NKIRAS1: variants seen among roughly 807,000 people sequenced by gnomAD.
NKIRAS1 encodes NF-kappa-B inhibitor-interacting Ras-like protein 1.
NKIRAS1 carries 16 observed loss-of-function variants against 19.8 expected under a neutral mutation model. That is an observed-to-expected ratio of 0.81 (90% confidence interval 0.55 to 1.23). The LOEUF (loss-of-function observed/expected upper bound fraction) is 1.23. Among genes scored for constraint, NKIRAS1 ranks in the 50% most tolerant of loss-of-function variants. The probability of loss-of-function intolerance (pLI) is 0.00; values close to 1 mark genes in which losing one functional copy is unlikely to be tolerated. For missense variants in NKIRAS1, 184 were observed against 220.0 expected (o/e 0.84, Z 1.04); for synonymous variants, 88 against 79.0 (o/e 1.11, Z -0.61).
intron 1 of NKIRAS1, chr3:23,946,052 G>T: frequency 1.0e-6 from 1 of 969,800 alleles, no homozygotes; most frequent in East Asian, 1.2e-4. Context: ...CGCGCTGGCT[G>T]GGAGCGCCGC....
rs1705246027 is a variant in NKIRAS1, at chr3:23,928,333, A to AATGT, written c.-139-16887_-139-16884dup. Among the ~76,000 whole-genome samples, 3 of 147,516 alleles carry AATGT rather than the reference A, an allele frequency of 2.0e-5. 1 individual carries two copies. The Admixed American group carries it at 2.0e-4, about 10-fold the overall frequency. ...AAATAAATAAATAAATAAATAAATAAATGTTATCATTTGAATACCATTAGT... is the reference window on the plus strand; with the variant it reads ...AAATAAATAAATAAATAAATAAATAAATGTATGTTATCATTTGAATACCATTAGT... On this transcript the variant is annotated intron_variant, in intron 1 of 4. Transcript: ENST00000421515.
At chr3:23,941,811 C>T (rs1316173284) in intron 1 of NKIRAS1, among the ~76,000 whole-genome samples, 2 of 152,274 alleles carry the variant, frequency 1.3e-5, no homozygotes, top group South Asian at 2.1e-4. Flanking sequence ...CTCTAAAAAA[C>T]GCTGAGGCTC....
At chr3:23,904,371 G>A (rs540610891) in intron 3 of NKIRAS1, among the ~76,000 whole-genome samples, 1 of 152,302 alleles carries the variant, frequency 6.6e-6, no homozygotes, top group South Asian at 2.1e-4. Context: ...GCAAGATGGA[G>A]CCTTGTTGCT....
intron 3 of NKIRAS1, among the ~76,000 whole-genome samples, chr3:23,902,178 GT>G (rs1287319057): frequency 2.0e-5 from 3 of 152,004 alleles, no homozygotes; most frequent in South Asian, 2.1e-4. Context: ...CTATGTTATA[GT>G]TTTTTTTAAA....
At chr3:23,905,883 G>A (rs1198846464) in intron 3 of NKIRAS1, among the ~76,000 whole-genome samples, 1 of 152,082 alleles carries the variant, frequency 6.6e-6, no homozygotes, top group Non-Finnish European at 1.5e-5. Context: ...GAGAGGCCGG[G>A]TGCAGTGGCT....
At chr3:23,940,292 T>A (rs13314607) in intron 1 of NKIRAS1, among the ~76,000 whole-genome samples, 1 of 151,680 alleles carries the variant, frequency 6.6e-6, no homozygotes, top group South Asian at 2.1e-4. Flanking sequence ...CTGTAATAAG[T>A]TATATGATTG....
chr3:23,917,716 C>T (rs921087241), upstream of NKIRAS1: 6 of 868,650 alleles, frequency 6.9e-6, no homozygotes, highest in South Asian at 7.2e-5. Flanking sequence ...GGCTAGCTGT[C>T]CCCGGCAGTT....
chr3:23,912,894 G>A (rs564821468), intron 1 of NKIRAS1, among the ~76,000 whole-genome samples: 93 of 151,970 alleles, frequency 6.1e-4, no homozygotes, highest in Non-Finnish European at 8.2e-4. Flanking sequence ...CAAGGTGGGC[G>A]GATCACGAGG....
At chr3:23,933,083 C>G (rs1050252162) in intron 1 of NKIRAS1, among the ~76,000 whole-genome samples, 5 of 152,120 alleles carry the variant, frequency 3.3e-5, no homozygotes, top group African/African-American at 1.2e-4. Flanking sequence ...ACATGAGAGC[C>G]AGAGATCGAT....
At chr3:23,937,330 C>G (rs1164753753) in intron 1 of NKIRAS1, among the ~76,000 whole-genome samples, 1 of 151,116 alleles carries the variant, frequency 6.6e-6, no homozygotes, top group Admixed American at 6.6e-5. Flanking sequence ...TAGACTCTGT[C>G]TGGAAAAAGA....
At chr3:23,903,514 A>G (rs1702720882) in intron 3 of NKIRAS1, among the ~76,000 whole-genome samples, 1 of 151,912 alleles carries the variant, frequency 6.6e-6, no homozygotes, top group Non-Finnish European at 1.5e-5. Context: ...GAAACCAACT[A>G]TACAAAGAAA....
intron 1 of NKIRAS1, among the ~76,000 whole-genome samples, chr3:23,939,538 T>G (rs1490732636): frequency 1.3e-5 from 2 of 152,110 alleles, no homozygotes; most frequent in Non-Finnish European, 2.9e-5. Flanking sequence ...GGCCAGGAGT[T>G]CGAGAACAGC....
chr3:23,914,474 G>T (rs541876309), intron 1 of NKIRAS1, among the ~76,000 whole-genome samples: 9 of 152,046 alleles, frequency 5.9e-5, no homozygotes, highest in African/African-American at 2.2e-4. Flanking sequence ...TGTATAGTGT[G>T]GAATACTTTC....
intron 4 of NKIRAS1, among the ~76,000 whole-genome samples, chr3:23,893,863 AT>A (rs1436714046): frequency 6.6e-6 from 1 of 150,666 alleles, no homozygotes; most frequent in Admixed American, 6.7e-5. Context: ...AAAAAAAAAA[AT>A]TAGCTCAGGT....
intron 1 of NKIRAS1, among the ~76,000 whole-genome samples, chr3:23,935,392 T>C: frequency 7.5e-6 from 1 of 133,166 alleles, no homozygotes; most frequent in East Asian, 2.2e-4. Flanking sequence ...AAAAAAAAAA[T>C]TGATCAACGA....
chr3:23,918,710 TTGG>T, upstream of NKIRAS1: 1 of 1,073,558 alleles, frequency 9.3e-7, no homozygotes, highest in East Asian at 2.4e-5. Context: ...TTTACTAATC[TTGG>T]TGAAGAGTAA....
chr3:23,901,373 CAG>C (rs1491491916), intron 3 of NKIRAS1, among the ~76,000 whole-genome samples: 1 of 151,970 alleles, frequency 6.6e-6, no homozygotes, highest in African/African-American at 2.4e-5. Context: ...TTTGTAGAGA[CAG>C]GGTTTCACCA....
At chr3:23,915,009 C>T (rs1704182636) in intron 1 of NKIRAS1, among the ~76,000 whole-genome samples, 1 of 152,218 alleles carries the variant, frequency 6.6e-6, no homozygotes, top group South Asian at 2.1e-4. Flanking sequence ...GGGTGAGGCA[C>T]CATGTTCTCT....
chr3:23,941,316 CTT>C lies in NKIRAS1; in HGVS notation c.-140+5005_-140+5006del, dbSNP rs145614772. Among the ~76,000 whole-genome samples the C allele has an allele frequency of 6.1e-3, 927 of 152,278 alleles. 7 individuals carry two copies. The highest frequency in any genetic ancestry group is 0.021 in the African/African-American group (866 of 41,540). ...TACTTGAGTTTGGGATAAGAGGACT[CTT>C]AACATTTAGGCTCTTCTTTCCTTTA... On this transcript the variant is annotated intron_variant, in intron 1 of 4. Coordinates refer to the NKIRAS1 transcript ENST00000421515.
Sources: allele counts gnomAD v4.1 joint callset (sites outside exome capture counted in the v4.1 genomes callset), GRCh38; gene constraint gnomAD v4.1.1; transcripts MANE v1.5; gene names NCBI Gene and HGNC (gene_info 2026-07-23, HGNC 2026-07-21).